The following POC1B variants were observed in gnomAD, a reference collection of about 807,000 sequenced individuals.
The protein encoded by POC1B is POC1 centriolar protein homolog B.
POC1B carries 44 observed loss-of-function variants against 60.6 expected under a neutral mutation model. The observed-to-expected ratio is 0.73, with a 90% CI of 0.57 to 0.93. The LOEUF is 0.93. POC1B is among the 40% of genes least tolerant of loss of function. The probability of loss-of-function intolerance (pLI) is 0.00; values close to 1 mark genes in which losing one functional copy is unlikely to be tolerated. For missense variants in POC1B, 555 were observed against 572.3 expected, an observed-to-expected ratio of 0.97 and a Z score of 0.31; for synonymous variants, 180 against 198.9, an observed-to-expected ratio of 0.90 and a Z score of 0.80.
Position 89,525,972 on chromosome 12 carries a change from G to A in POC1B, c.-77C>T, listed in dbSNP as rs530695410. On this transcript the variant is annotated 5_prime_UTR_variant, in exon 1 of 12. Coordinates refer to ENST00000313546, the MANE Select transcript of POC1B (RefSeq NM_172240.3). ...GAGGGGAGAGGATGGGGAAGGAGAG[G>A]GGACCGTGCGGCTCCCGGAACCGTC... 1.5e-3 allele frequency: 2,267 copies of A among 1,545,354 alleles called. 3 individuals are homozygous for A. Among genetic ancestry groups the A allele is most frequent in the Non-Finnish European group, 1.8e-3 (2,104 of 1,145,348 alleles).
Position 89,497,164 on chromosome 12 carries a change from C to G in POC1B, c.272+7G>C, listed in dbSNP as rs375051104. ...AAGGATATCAAGTGTTTCTTTGTTT[C>G]TCTTACTTATCAGGAATCCAGAGTC... On this transcript the variant is annotated splice_region_variant and intron_variant, in intron 3 of 11. Transcript: ENST00000313546. 25 of 1,610,284 alleles carry G rather than the reference C, an allele frequency of 1.6e-5. No individual in the cohort carries two copies. Among genetic ancestry groups the G allele is most frequent in the Non-Finnish European group, 2.1e-5 (25 of 1,178,352 alleles).
intron 3 of POC1B, among the ~76,000 whole-genome samples, chr12:89,493,017 G>A (rs1434923809): frequency 1.3e-5 from 2 of 152,124 alleles, no homozygotes; most frequent in African/African-American, 4.8e-5. Context: ...CAGCGTAAAT[G>A]TGTCACTGGC....
At chr12:89,413,048 G>A in the POC1B span, among the ~76,000 whole-genome samples, 3 of 151,752 alleles carry the variant, frequency 2.0e-5, no homozygotes, top group Non-Finnish European at 2.9e-5. Context: ...ACAGGCACCC[G>A]CCACTATTCC....
chr12:89,478,423 A>G (rs1883201026), intron 4 of POC1B, among the ~76,000 whole-genome samples: 1 of 152,136 alleles, frequency 6.6e-6, no homozygotes, highest in South Asian at 2.1e-4. Context: ...CTGGCCCCAC[A>G]TCCACATTTA....
At chr12:89,407,502 T>C in the POC1B span, among the ~76,000 whole-genome samples, 1 of 152,132 alleles carries the variant, frequency 6.6e-6, no homozygotes, top group Non-Finnish European at 1.5e-5. Context: ...CCTCCCAAAG[T>C]ACTGGGATAA....
chr12:89,522,591 A>T, intron 2 of POC1B: 1 of 440,738 alleles, frequency 2.3e-6, no homozygotes, highest in Admixed American at 4.1e-5. Context: ...AAACTCTTAT[A>T]TAAAACAACC....
At chr12:89,510,247 G>A (rs1328562782) in intron 2 of POC1B, among the ~76,000 whole-genome samples, 2 of 152,144 alleles carry the variant, frequency 1.3e-5, no homozygotes, top group African/African-American at 4.8e-5. Flanking sequence ...GTCTGCTTGA[G>A]CTTGGAAATT....
At chr12:89,506,128 A>G (rs1869882925) in intron 2 of POC1B, among the ~76,000 whole-genome samples, 1 of 152,186 alleles carries the variant, frequency 6.6e-6, no homozygotes. Context: ...GAAGATGGAT[A>G]TACCCCGCCT....
chr12:89,520,195 G>C (rs1444108564), intron 2 of POC1B: 1 of 152,112 alleles, frequency 6.6e-6, no homozygotes, highest in Non-Finnish European at 1.5e-5. Flanking sequence ...CTTCCTAAAA[G>C]ATTGCTGGGT....
At chr12:89,500,659 A>T (rs1177744767) in intron 2 of POC1B, 1 of 1,562,044 alleles carries the variant, frequency 6.4e-7, no homozygotes, top group African/African-American at 1.4e-5. Flanking sequence ...TTGAAAATTC[A>T]GTAAATATGC....
chr12:89,522,193 G>T, intron 2 of POC1B: 1 of 398,594 alleles, frequency 2.5e-6, no homozygotes, highest in South Asian at 1.3e-4. Context: ...ATTTAAATAT[G>T]GGTATGTCTG....
chr12:89,442,246 T>C (rs1881557254), intron 10 of POC1B, among the ~76,000 whole-genome samples: 1 of 152,024 alleles, frequency 6.6e-6, no homozygotes, highest in African/African-American at 2.4e-5. Context: ...ATTCAGGAAA[T>C]ACAGAGAACG....
At chr12:89,492,646 G>A (rs996242778) in intron 3 of POC1B, among the ~76,000 whole-genome samples, 2 of 152,140 alleles carry the variant, frequency 1.3e-5, no homozygotes, top group African/African-American at 4.8e-5. Context: ...ATGTTCAAAT[G>A]TTCACACTGA....
At chr12:89,492,170 C>T in intron 3 of POC1B, 55 bp from the exon 4 acceptor site, 1 of 1,291,610 alleles carries the variant, frequency 7.7e-7, no homozygotes, top group South Asian at 1.7e-5. Flanking sequence ...ATAGTTAATA[C>T]TTAATCACAA....
At chr12:89,453,066 T>C (rs536649853) in intron 10 of POC1B, among the ~76,000 whole-genome samples, 1 of 152,222 alleles carries the variant, frequency 6.6e-6, no homozygotes, top group Non-Finnish European at 1.5e-5. Flanking sequence ...TTTCTGTTTC[T>C]AAATGGCAAG....
In POC1B at chr12:89,426,034, T is replaced by C. The variant is rs578048872; in HGVS notation, c.1114-655A>G. ...GTATACACAAAATGTGGTATAAACATACAATGAAATATAATTCAGCCATAA... is the reference window on the plus strand; with the variant it reads ...GTATACACAAAATGTGGTATAAACACACAATGAAATATAATTCAGCCATAA... On this transcript the variant is annotated intron_variant, in intron 10 of 11. Transcript: ENST00000313546. The C allele has an allele frequency of 5.9e-5, 9 of 152,282 alleles. No homozygotes were observed. The East Asian group carries it at 9.6e-4, about 16-fold the overall frequency. The allele number at this position is 152,282 out of a possible 1,614,324, so 9.4% of individuals were successfully genotyped here. A position where few individuals can be genotyped will look rare whatever the true frequency, so the allele number is the denominator to read the frequency against.
chr12:89,503,622 TGA>T (rs1353848707), intron 2 of POC1B, among the ~76,000 whole-genome samples: 2 of 141,636 alleles, frequency 1.4e-5, no homozygotes, highest in Admixed American at 7.1e-5. Flanking sequence ...GCCCATCGTC[TGA>T]GATGTGGGGA....
intron 10 of POC1B, among the ~76,000 whole-genome samples, chr12:89,437,134 C>T (rs1881304106): frequency 6.6e-6 from 1 of 152,198 alleles, no homozygotes; most frequent in Non-Finnish European, 1.5e-5. Flanking sequence ...AGACAGTTGT[C>T]ACCTCATGTC....
downstream of POC1B, among the ~76,000 whole-genome samples, chr12:89,418,735 T>G (rs748956446): frequency 3.9e-5 from 6 of 152,178 alleles, no homozygotes; most frequent in Non-Finnish European, 7.3e-5. Flanking sequence ...TCTGTCACCA[T>G]GTGCTGCTGG....
Sources: allele counts gnomAD v4.1 joint callset (sites outside exome capture counted in the v4.1 genomes callset), GRCh38; gene constraint gnomAD v4.1.1; transcripts MANE v1.5; gene names NCBI Gene and HGNC (gene_info 2026-07-23, HGNC 2026-07-21).